NSUN2: variants seen among roughly 807,000 people sequenced by gnomAD.
NSUN2 encodes the protein RNA cytosine C(5)-methyltransferase NSUN2.
NSUN2 carries 63 observed loss-of-function variants against 92.7 expected under a neutral mutation model. That is an observed-to-expected ratio of 0.68 (90% CI 0.56 to 0.84). The LOEUF (loss-of-function observed/expected upper bound fraction) is 0.84, where lower values mean the gene tolerates loss of function less well. Ranked by LOEUF, NSUN2 falls within the 40% of genes least tolerant of loss-of-function variation. NSUN2 has a pLI of 0.00. For synonymous variants in NSUN2, 356 were observed against 348.3 expected (o/e 1.02, Z -0.25); for missense variants, 989 against 964.9 (o/e 1.02, Z -0.33).
At chr5:6,625,876 A>G (rs1737634964) in intron 3 of NSUN2, among the ~76,000 whole-genome samples, 1 of 152,222 alleles carries the variant, frequency 6.6e-6, no homozygotes, top group South Asian at 2.1e-4. Flanking sequence ...CCGTGGCCCA[A>G]TCAGAAACAG....
intron 6 of NSUN2, chr5:6,621,368 A>G (rs144150596): frequency 0.024 from 3,665 of 152,228 alleles, 76 homozygotes; most frequent in Non-Finnish European, 0.038. Context: ...AATAGTAATA[A>G]TAATGAACAA....
intron 17 of NSUN2, among the ~76,000 whole-genome samples, chr5:6,603,548 G>A (rs1277362185): frequency 6.6e-6 from 1 of 152,160 alleles, no homozygotes; most frequent in Non-Finnish European, 1.5e-5. Flanking sequence ...AAAATTAGCT[G>A]GGCGTGGTGG....
Position 6,599,810 on chromosome 5 carries a change from T to C in NSUN2, c.*116A>G. 1.1e-6 allele frequency: 1 copy of C among 874,016 alleles called. No homozygotes were observed. The highest frequency in any genetic ancestry group is 1.6e-5 in the South Asian group (1 of 62,562). The allele number at this position is 874,016 out of a possible 1,614,324, so 54.1% of individuals were successfully genotyped here. On this transcript the variant is annotated 3_prime_UTR_variant, in exon 19 of 19. Coordinates refer to ENST00000264670, the MANE Select transcript of NSUN2 (RefSeq NM_017755.6). ...TATGATCCCACCAGTCTGCAGTCAT[T>C]AGAAATATATGCTTTACAGGCCACA...
chr5:6,607,228 T>C lies in NSUN2; in HGVS notation c.1480A>G (p.Asn494Asp). The C allele has an allele frequency of 6.2e-7, 1 of 1,614,224 alleles. No homozygotes were observed. Among genetic ancestry groups the C allele is most frequent in the Non-Finnish European group, 8.5e-7 (1 of 1,180,038 alleles). ...CACACGCCATCTTTCTTACTGCCATTATTCTCTAAATCCTCAGTTGCATGA... is the reference window on the plus strand; with the variant it reads ...CACACGCCATCTTTCTTACTGCCATCATTCTCTAAATCCTCAGTTGCATGA... ...IAHATEDLENNGSKKDGVCGP... is the reference protein window; with the variant it reads ...IAHATEDLENDGSKKDGVCGP... Residue 494 changes from asparagine (N) to aspartate (D), a missense_variant, in exon 13 of 19, where the codon AAT (asparagine) becomes GAT (aspartate). Transcript: ENST00000264670.
rs370183139 is a variant in NSUN2, at chr5:6,611,801, G to A, written c.1022-3C>T. The A allele has an allele frequency of 5.0e-5, 80 of 1,613,894 alleles. No homozygotes were observed. The highest frequency in any genetic ancestry group is 5.8e-5 in the Non-Finnish European group (69 of 1,179,926). On this transcript the variant is annotated splice_polypyrimidine_tract_variant and splice_region_variant and intron_variant, in intron 9 of 18. Transcript: ENST00000264670. ...CACATCAGCAAGCTCCAAAGCACCTGTGCAGCAAAAGCATGGACGTCTTTT... is the reference window on the plus strand; with the variant it reads ...CACATCAGCAAGCTCCAAAGCACCTATGCAGCAAAAGCATGGACGTCTTTT...
In NSUN2 at chr5:6,615,313, G is replaced by C. The variant is rs946943807; in HGVS notation, c.1021+1414C>G. On this transcript the variant is annotated intron_variant, in intron 9 of 18. Coordinates refer to ENST00000264670, the MANE Select transcript of NSUN2 (RefSeq NM_017755.6). ...AAGGGAAACAGGAGGTGTCTGTGCT[G>C]CTCAAGCTGCCTGGAATCATGGTTT... 2.0e-5 allele frequency among the ~76,000 whole-genome samples: 3 copies of C among 152,200 alleles called. No individual in the cohort carries two copies. The East Asian group carries it at 5.8e-4, about 29-fold the overall frequency.
intron 3 of NSUN2, 46 bp downstream of exon 3, chr5:6,631,827 T>A (rs765522003): frequency 1.5e-6 from 2 of 1,328,924 alleles, no homozygotes; most frequent in Non-Finnish European, 2.2e-6. Context: ...GTGATAGAGA[T>A]TAATATCCCA....
chr5:6,617,456 GA>G (rs1737256605), intron 8 of NSUN2, among the ~76,000 whole-genome samples: 1 of 152,156 alleles, frequency 6.6e-6, no homozygotes, highest in Admixed American at 6.5e-5. Context: ...CCTGTAAACA[GA>G]AAAACAATAC....
rs1011515510 is a variant in NSUN2 at position 6,600,314 on chromosome 5, A to G, written c.1998-82T>C. 13 of 1,311,700 alleles carry G rather than the reference A, an allele frequency of 9.9e-6. No homozygotes were observed. In the African/African-American group the frequency reaches 1.3e-4, roughly 13 times the overall value. 81.3% of individuals were successfully genotyped at this position (1,311,700 alleles called of 1,614,324 possible). ...TGAGATGTAATATGCAACTGCTTAAAAAAGAAAACCACAGAAAACCCATAC... is the reference window on the plus strand; with the variant it reads ...TGAGATGTAATATGCAACTGCTTAAGAAAGAAAACCACAGAAAACCCATAC... On this transcript the variant is annotated intron_variant, in intron 18 of 18. Transcript: ENST00000264670.
chr5:6,606,537 G>A (rs192756884), intron 14 of NSUN2, among the ~76,000 whole-genome samples: 18 of 151,816 alleles, frequency 1.2e-4, no homozygotes, highest in Admixed American at 6.6e-4. Context: ...CGCCCGTCTC[G>A]GCCTCCCAAA....
chr5:6,617,455 A>T (rs1737256435), intron 8 of NSUN2, among the ~76,000 whole-genome samples: 2 of 152,242 alleles, frequency 1.3e-5, no homozygotes. Flanking sequence ...CCCTGTAAAC[A>T]GAAAAACAAT....
At position 6,632,925 on chromosome 5, in the gene NSUN2, C is replaced by T. The variant is rs1000388984; in HGVS notation, c.55G>A (p.Ala19Thr). 2 of 1,516,160 alleles carry T rather than the reference C, an allele frequency of 1.3e-6. No individual in the cohort carries two copies. 93.9% of individuals were successfully genotyped at this position (1,516,160 alleles called of 1,614,324 possible). A position where few individuals can be genotyped will look rare whatever the true frequency, so the allele number is the denominator to read the frequency against. ...CCACCACCCTCGGCGCCATCCTCCGCGTCCTCCGGCCGCTGCTGTTGCTGG... is the reference window on the plus strand; with the variant it reads ...CCACCACCCTCGGCGCCATCCTCCGTGTCCTCCGGCCGCTGCTGTTGCTGG... ...RLQQQQRPED[A>T]EDGAEGGGKR... The change falls in exon 1 of 19, where the codon GCG becomes ACG. Residue 19 changes from alanine (A) to threonine (T), a missense_variant. Ala to Thr is a moderately conservative substitution (Grantham distance 58, BLOSUM62 0). Coordinates refer to ENST00000264670, the MANE Select transcript of NSUN2 (RefSeq NM_017755.6).
At chr5:6,610,464 A>G (rs1170559253) in intron 11 of NSUN2, among the ~76,000 whole-genome samples, 2 of 151,990 alleles carry the variant, frequency 1.3e-5, no homozygotes, top group African/African-American at 2.4e-5. Context: ...CGAGGTGGGC[A>G]GATAACCTGA....
intron 18 of NSUN2, among the ~76,000 whole-genome samples, chr5:6,600,756 C>A (rs1047712083): frequency 6.6e-5 from 10 of 152,172 alleles, no homozygotes; most frequent in Admixed American, 2.6e-4. Context: ...ACCACTCATC[C>A]TTTTGATACT....
At chr5:6,626,255 A>G (rs899805951) in intron 3 of NSUN2, among the ~76,000 whole-genome samples, 3 of 152,206 alleles carry the variant, frequency 2.0e-5, no homozygotes, top group Non-Finnish European at 4.4e-5. Context: ...ACTAAGAATA[A>G]AGCATTTCCT....
intron 9 of NSUN2, among the ~76,000 whole-genome samples, chr5:6,615,958 A>C (rs1404788204): frequency 6.6e-6 from 1 of 152,252 alleles, no homozygotes; most frequent in Non-Finnish European, 1.5e-5. Flanking sequence ...CCTCACACCC[A>C]TTAGGATGGC....
intron 5 of NSUN2, 31 bp downstream of exon 5, chr5:6,623,183 C>T (rs375300429): frequency 2.9e-5 from 46 of 1,565,414 alleles, no homozygotes; most frequent in East Asian, 2.3e-4. Context: ...ACAAGCTGCC[C>T]GCCCCCACGT....
At chr5:6,627,736 G>T (rs1737713777) in intron 3 of NSUN2, among the ~76,000 whole-genome samples, 2 of 152,038 alleles carry the variant, frequency 1.3e-5, no homozygotes, top group African/African-American at 2.4e-5. Context: ...ACAAAGCGAG[G>T]CCCTGTTTCT....
intron 8 of NSUN2, 109 bp downstream of exon 8, chr5:6,617,841 T>C: frequency 1.3e-6 from 1 of 793,198 alleles, no homozygotes; most frequent in Middle Eastern, 2.4e-4. Flanking sequence ...TTGACCATCC[T>C]CTGATGCTTA....
Sources: allele counts gnomAD v4.1 joint callset (sites outside exome capture counted in the v4.1 genomes callset), GRCh38; gene constraint gnomAD v4.1.1; transcripts MANE v1.5; gene names NCBI Gene and HGNC (gene_info 2026-07-23, HGNC 2026-07-21).